Variants in RAB7A observed in about 807,000 individuals in gnomAD.
The protein encoded by RAB7A is ras-related protein Rab-7a.
RAB7A carries 2 observed loss-of-function variants against 24.5 expected under a neutral mutation model. The observed-to-expected ratio is 0.08, with a 90% CI of 0.03 to 0.26. RAB7A has a LOEUF of 0.26. Among genes scored for constraint, RAB7A ranks in the 10% least tolerant of loss-of-function variants. RAB7A has a pLI of 1.00. For synonymous variants in RAB7A, 100 were observed against 95.9 expected (o/e 1.04, Z -0.25); for missense variants, 118 against 255.7 (o/e 0.46, Z 3.67).
rs541031605 is a variant in RAB7A at position 128,742,715 on chromosome 3, A to G, written c.-9+16356A>G. On this transcript the variant is annotated intron_variant, in intron 1 of 5. Transcript: ENST00000265062. The stretch of plus-strand genomic sequence containing the variant: ...CTAGATACAGAGTGCTGATTGGTGT[A>G]TTTACAATCCTTTAGCTAGACATAA... 2.6e-5 allele frequency among the ~76,000 whole-genome samples: 4 copies of G among 151,634 alleles called. No individual in the cohort carries two copies. In the East Asian group the frequency reaches 7.8e-4, roughly 29 times the overall value.
In RAB7A at chr3:128,758,305, C is replaced by T. The variant is rs1297955928; in HGVS notation, c.-9+31946C>T. 2.1e-5 allele frequency among the ~76,000 whole-genome samples: 3 copies of T among 142,380 alleles called. No homozygotes were observed. The Admixed American group carries it at 2.2e-4, about 10-fold the overall frequency. 93.4% of individuals were successfully genotyped at this position (142,380 alleles called of 152,430 possible). A position where few individuals can be genotyped will look rare whatever the true frequency, so the allele number is the denominator to read the frequency against. ...TTTTTTTTTTTGAGACAGAGTCTGG[C>T]TCTGTCGCCCAGGCTGGAGTGCAGT... On this transcript the variant is annotated intron_variant, in intron 1 of 5. Transcript: ENST00000265062.
chr3:128,795,514 T>C, intron 2 of RAB7A, 94 bp downstream of exon 2: 2 of 1,186,126 alleles, frequency 1.7e-6, no homozygotes, highest in Non-Finnish European at 2.5e-6. Flanking sequence ...CTTCTTGCTT[T>C]CATAGTGAGG....
intron 1 of RAB7A, among the ~76,000 whole-genome samples, chr3:128,788,274 T>C (rs532192285): frequency 6.6e-6 from 1 of 152,290 alleles, no homozygotes; most frequent in East Asian, 1.9e-4. Context: ...AGTGAAAAGG[T>C]AAAAATTGTT....
intron 1 of RAB7A, among the ~76,000 whole-genome samples, chr3:128,775,391 G>T (rs2107602874): frequency 6.6e-6 from 1 of 152,258 alleles, no homozygotes; most frequent in African/African-American, 2.4e-5. Flanking sequence ...GGACACATTT[G>T]CCTTTCACCT....
intron 1 of RAB7A, among the ~76,000 whole-genome samples, chr3:128,780,196 A>G (rs1217430048): frequency 6.6e-6 from 1 of 152,242 alleles, no homozygotes; most frequent in Non-Finnish European, 1.5e-5. Flanking sequence ...CAATTTTCAC[A>G]CAATTTTATG....
chr3:128,781,554 T>TA (rs1474797773), intron 1 of RAB7A, among the ~76,000 whole-genome samples: 2 of 152,102 alleles, frequency 1.3e-5, no homozygotes, highest in African/African-American at 2.4e-5. Flanking sequence ...CGTGTGCCTG[T>TA]AGTCCCATCT....
chr3:128,739,779 A>G (rs891631741), intron 1 of RAB7A, among the ~76,000 whole-genome samples: 1 of 152,282 alleles, frequency 6.6e-6, no homozygotes, highest in South Asian at 2.1e-4. Flanking sequence ...TAAGAAAAGT[A>G]TTTAATAGGG....
At chr3:128,807,716 C>T in intron 5 of RAB7A, 45 bp downstream of exon 5, 1 of 1,613,324 alleles carries the variant, frequency 6.2e-7, no homozygotes. Context: ...GATGCCTGAC[C>T]ACTGACCCAG....
intron 1 of RAB7A, among the ~76,000 whole-genome samples, chr3:128,781,813 G>T (rs1933227987): frequency 2.0e-5 from 3 of 152,106 alleles, no homozygotes; most frequent in Non-Finnish European, 2.9e-5. Context: ...AGGAGTTCGA[G>T]ACCAACCTGG....
At chr3:128,764,960 C>T (rs978053868) in intron 1 of RAB7A, 73 of 1,595,988 alleles carry the variant, frequency 4.6e-5, no homozygotes, top group South Asian at 3.1e-4. Flanking sequence ...CCGTTGATGG[C>T]GGCCTCTGAG....
chr3:128,795,224 C>A, intron 1 of RAB7A, 136 bp from the exon 2 acceptor site: 1 of 771,358 alleles, frequency 1.3e-6, no homozygotes, highest in South Asian at 1.4e-5. Flanking sequence ...TCAGTGCCCC[C>A]TGGTGGAAGG....
intron 3 of RAB7A, chr3:128,798,498 T>G (rs1379525964): frequency 1.0e-5 from 2 of 190,782 alleles, no homozygotes; most frequent in Non-Finnish European, 2.2e-5. Flanking sequence ...CATACGTAAC[T>G]TCAAGAGTTG....
chr3:128,737,890 T>C (rs1453757095), intron 1 of RAB7A, among the ~76,000 whole-genome samples: 1 of 143,582 alleles, frequency 7.0e-6, no homozygotes, highest in East Asian at 2.3e-4. Context: ...TGCCTAGGCT[T>C]GTCTCAAACT....
chr3:128,755,657 T>G (rs1280589266), intron 1 of RAB7A, among the ~76,000 whole-genome samples: 1 of 152,248 alleles, frequency 6.6e-6, no homozygotes, highest in Admixed American at 6.5e-5. Context: ...GACTGTACTC[T>G]TTCCACCTTG....
At chr3:128,738,710 C>T (rs926684475) in intron 1 of RAB7A, among the ~76,000 whole-genome samples, 2 of 152,190 alleles carry the variant, frequency 1.3e-5, no homozygotes, top group African/African-American at 2.4e-5. Context: ...GGGTAAGTCC[C>T]AGACTGATTT....
At chr3:128,786,296 C>T (rs1274331129) in intron 1 of RAB7A, among the ~76,000 whole-genome samples, 17 of 152,128 alleles carry the variant, frequency 1.1e-4, no homozygotes, top group Admixed American at 1.1e-3. Context: ...AATTAGATTC[C>T]TCAGTTTGGG....
chr3:128,807,232 C>G (rs997306095), intron 4 of RAB7A, among the ~76,000 whole-genome samples: 10 of 152,190 alleles, frequency 6.6e-5, no homozygotes, highest in Non-Finnish European at 1.0e-4. Flanking sequence ...AGTAAACACT[C>G]TTCATTTCTT....
At position 128,763,206 on chromosome 3, in the gene RAB7A, A is replaced by G. The variant is rs866230790; in HGVS notation, c.-8-32154A>G. ...ATTTAGCTTATATATATATATATAT[A>G]TATTTTTTTTTTTTTTTTTTTTTTT... On this transcript the variant is annotated intron_variant, in intron 1 of 5. Transcript: ENST00000265062. Among the ~76,000 whole-genome samples, 6 of 100,474 alleles carry G rather than the reference A, an allele frequency of 6.0e-5. No individual in the cohort carries two copies. In the East Asian group the frequency reaches 1.5e-3, roughly 25 times the overall value. 65.9% of individuals were successfully genotyped at this position (100,474 alleles called of 152,430 possible).
At chr3:128,768,411 T>C (rs2070852812) in intron 1 of RAB7A, among the ~76,000 whole-genome samples, 1 of 152,182 alleles carries the variant, frequency 6.6e-6, no homozygotes, top group Admixed American at 6.5e-5. Context: ...TCTGTCTAGA[T>C]CTGTGTTTTC....
Sources: gnomAD v4.1 joint callset for allele counts (sites outside exome capture counted in the v4.1 genomes callset) on GRCh38, gnomAD v4.1.1 for gene constraint, MANE v1.5 for transcripts, NCBI Gene and HGNC (gene_info 2026-07-23, HGNC 2026-07-21) for gene names.